Variants in PHACTR2 observed in about 807,000 individuals in gnomAD.
PHACTR2 encodes the protein phosphatase and actin regulator 2.
A neutral mutation model predicts 76.0 loss-of-function variants in PHACTR2; 30 were observed. The ratio of observed to expected loss-of-function variants is 0.39; its 90% CI spans 0.30 to 0.54. The LOEUF is 0.54. PHACTR2 is among the 20% of genes least tolerant of loss of function. The pLI is 0.61. For missense variants in PHACTR2, 696 were observed against 781.1 expected, an observed-to-expected ratio of 0.89 and a Z score of 1.30; for synonymous variants, 292 against 292.5, an observed-to-expected ratio of 1.00 and a Z score of 0.02.
chr6:143,549,978 G>T lies in PHACTR2; in HGVS notation c.217+12771G>T, dbSNP rs1008562521. On this transcript the variant is annotated intron_variant, in intron 1 of 11. Coordinates refer to the PHACTR2 transcript ENST00000367584. This position sits in a 1 kb window ranked among gnomAD's most constrained non-coding sequence, Gnocchi z 4.2. ...ACAAAGGATGAAAACTGAGAGTCCC[G>T]GTCAGCTTACACCAGAAAGTGCCAA... Among the ~76,000 whole-genome samples the T allele has an allele frequency of 6.6e-6, 1 of 151,872 alleles. No homozygotes were observed. The highest frequency in any genetic ancestry group is 1.5e-5 in the Non-Finnish European group (1 of 67,948).
rs1037477798 is a variant in PHACTR2 at position 143,751,381 on chromosome 6, G to T, written c.295+2316G>T. Among the ~76,000 whole-genome samples, 3 of 152,096 alleles carry T rather than the reference G, an allele frequency of 2.0e-5. No homozygotes were observed. Among genetic ancestry groups the T allele is most frequent in the Non-Finnish European group, 4.4e-5 (3 of 68,026 alleles). ...GTCTATGATCTAGTCCAAGTTTGCT[G>T]CTTACCTCTGCTTTTTTCCCTCCAT... is the stretch of plus-strand genomic sequence containing the variant. On this transcript the variant is annotated intron_variant, in intron 3 of 12. Transcript: ENST00000440869. This position sits in a 1 kb window ranked among gnomAD's most constrained non-coding sequence, Gnocchi z 5.7.
At chr6:143,812,092 C>G (rs879489857) in intron 12 of PHACTR2, among the ~76,000 whole-genome samples, 4 of 152,118 alleles carry the variant, frequency 2.6e-5, no homozygotes, top group African/African-American at 4.8e-5. Flanking sequence ...AATAAATGGG[C>G]TGACTCCTCT....
chr6:143,729,425 G>C (rs1390453384), intron 2 of PHACTR2, among the ~76,000 whole-genome samples: 1 of 151,974 alleles, frequency 6.6e-6, no homozygotes, highest in Non-Finnish European at 1.5e-5. Flanking sequence ...AGGTCACAAA[G>C]ATTTTTATCC....
At chr6:143,756,692 C>T (rs1350629917) in intron 4 of PHACTR2, among the ~76,000 whole-genome samples, 1 of 100,674 alleles carries the variant, frequency 9.9e-6, no homozygotes, top group Non-Finnish European at 2.0e-5. Context: ...GAGCGAGACT[C>T]CGTCTCAAAA....
chr6:143,805,074 C>T (rs742958), intron 11 of PHACTR2, among the ~76,000 whole-genome samples: 89,181 of 152,058 alleles, frequency 0.59, 26,429 homozygotes, highest in East Asian at 0.69. Context: ...AGAATCCCTG[C>T]CTTCTGACTC....
rs1324382728 is a variant in PHACTR2, at chr6:143,708,111, A to G, written c.47-3905A>G. 6.6e-6 allele frequency among the ~76,000 whole-genome samples: 1 copy of G among 152,152 alleles called. No individual in the cohort carries two copies. Among genetic ancestry groups the G allele is most frequent in the East Asian group, 1.9e-4 (1 of 5,204 alleles). On this transcript the variant is annotated intron_variant, in intron 1 of 12. Transcript: ENST00000440869. The surrounding 1 kb of genome is among the most constrained non-coding windows in gnomAD (Gnocchi z 5.5). Reference sequence around the variant, plus strand: ...AGATTTGGGTGAGGATACATTTCTAAACCTTATCAATATGATAATTATCTA... The same window carrying G: ...AGATTTGGGTGAGGATACATTTCTAGACCTTATCAATATGATAATTATCTA...
chr6:143,589,519 G>T lies in PHACTR2; in HGVS notation c.217+52312G>T, dbSNP rs868656599. Among the ~76,000 whole-genome samples the T allele has an allele frequency of 5.9e-5, 9 of 152,162 alleles. No homozygotes were observed. Among genetic ancestry groups the T allele is most frequent in the Middle Eastern group, 3.4e-3 (1 of 294 alleles). ...ACCTTTTTTCTTTATTAATTACTCA[G>T]TCTCAGGTAGTTCTTGCAATGCGAG... On this transcript the variant is annotated intron_variant, in intron 1 of 11. Transcript: ENST00000367584. This position sits in a 1 kb window ranked among gnomAD's most constrained non-coding sequence, Gnocchi z 4.4.
In PHACTR2 at chr6:143,548,463, T is replaced by C. The variant is rs1185590117; in HGVS notation, c.217+11256T>C. The stretch of plus-strand genomic sequence containing the variant: ...CCAGACTTCTCTGATGCTGTGAGCA[T>C]ATATTCTCCTCAGATTTCCCCTATT... On this transcript the variant is annotated intron_variant, in intron 1 of 11. Transcript: ENST00000367584. This position sits in a 1 kb window ranked among gnomAD's most constrained non-coding sequence, Gnocchi z 4.5. Among the ~76,000 whole-genome samples, 1 of 152,108 alleles carries C rather than the reference T, an allele frequency of 6.6e-6. No individual in the cohort carries two copies. The highest frequency in any genetic ancestry group is 2.4e-5 in the African/African-American group (1 of 41,452).
rs936076508 is a variant in PHACTR2, at chr6:143,583,160, T to A, written c.217+45953T>A. ...ACCATTCTTGCCATAATAGCCAGGA[T>A]TTGGTATCTGTGAATTCACCATGGC... On this transcript the variant is annotated intron_variant, in intron 1 of 11. Coordinates refer to the PHACTR2 transcript ENST00000367584. This position sits in a 1 kb window ranked among gnomAD's most constrained non-coding sequence, Gnocchi z 4.0. Among the ~76,000 whole-genome samples the A allele has an allele frequency of 1.3e-5, 2 of 152,240 alleles. No homozygotes were observed. Among genetic ancestry groups the A allele is most frequent in the African/African-American group, 4.8e-5 (2 of 41,466 alleles).
chr6:143,555,675 C>G (rs1775163640), intron 1 of PHACTR2, among the ~76,000 whole-genome samples: 2 of 152,080 alleles, frequency 1.3e-5, no homozygotes, highest in South Asian at 4.1e-4. Context: ...TATACCCCCA[C>G]CCTAGATGAT....
At position 143,828,216 on chromosome 6, in the gene PHACTR2, C is replaced by G. The variant is rs988394961; in HGVS notation, c.*4527C>G. The G allele has an allele frequency of 1.3e-5, 2 of 152,030 alleles. No individual in the cohort carries two copies. Among genetic ancestry groups the G allele is most frequent in the Admixed American group, 6.6e-5 (1 of 15,236 alleles). 9.4% of individuals were successfully genotyped at this position (152,030 alleles called of 1,614,324 possible). A position where few individuals can be genotyped will look rare whatever the true frequency, so the allele number is the denominator to read the frequency against. ...TATGTCCTCCAGGGAAAAGCAATGA[C>G]AGAGTAATCACCAAATTAATAGGAA... is the stretch of plus-strand genomic sequence containing the variant. On this transcript the variant is annotated 3_prime_UTR_variant, in exon 13 of 13. Coordinates refer to ENST00000440869, the MANE Select transcript of PHACTR2 (RefSeq NM_001100164.2). The surrounding 1 kb of genome is among the most constrained non-coding windows in gnomAD (Gnocchi z 4.7).
At chr6:143,629,846 T>C (rs1295435815) in intron 1 of PHACTR2, among the ~76,000 whole-genome samples, 1 of 152,112 alleles carries the variant, frequency 6.6e-6, no homozygotes, top group Non-Finnish European at 1.5e-5. Flanking sequence ...CTCAGCTTCG[T>C]TTGGAGTGTT....
At chr6:143,628,172 GTT>G (rs944620972) in intron 1 of PHACTR2, among the ~76,000 whole-genome samples, 5 of 152,104 alleles carry the variant, frequency 3.3e-5, no homozygotes, top group Non-Finnish European at 7.4e-5. Flanking sequence ...GATGTACCAC[GTT>G]TTGTTTCTCT....
At position 143,757,609 on chromosome 6, in the gene PHACTR2, C is replaced by T. The variant is rs1779332921; in HGVS notation, c.455-2792C>T. ...CAGACCGCATTGCTGGAAAGGCTAG[C>T]GTCCTTATCAAGCCAGAATGACGAG... is the stretch of plus-strand genomic sequence containing the variant. On this transcript the variant is annotated intron_variant, in intron 4 of 12. Transcript: ENST00000440869. The surrounding 1 kb of genome is among the most constrained non-coding windows in gnomAD (Gnocchi z 4.2). Among the ~76,000 whole-genome samples, 1 of 152,154 alleles carries T rather than the reference C, an allele frequency of 6.6e-6. No individual in the cohort carries two copies. Among genetic ancestry groups the T allele is most frequent in the African/African-American group, 2.4e-5 (1 of 41,430 alleles).
chr6:143,587,231 A>G (rs1462016805), intron 1 of PHACTR2, among the ~76,000 whole-genome samples: 1 of 152,238 alleles, frequency 6.6e-6, no homozygotes, highest in Admixed American at 6.5e-5. Flanking sequence ...CATCAGAATA[A>G]TCTATTTCGG....
chr6:143,558,904 T>G lies in PHACTR2; in HGVS notation c.217+21697T>G, dbSNP rs902532646. On this transcript the variant is annotated intron_variant, in intron 1 of 11. Coordinates refer to the PHACTR2 transcript ENST00000367584. The surrounding 1 kb of genome is among the most constrained non-coding windows in gnomAD (Gnocchi z 4.7). ...CTGATGATTGACCAGCTGAAATGCA[T>G]GTGTATGGCTTAGGCCTCTCCCATC... Among the ~76,000 whole-genome samples, 2 of 152,182 alleles carry G rather than the reference T, an allele frequency of 1.3e-5. No individual in the cohort carries two copies. Among genetic ancestry groups the G allele is most frequent in the African/African-American group, 4.8e-5 (2 of 41,438 alleles).
chr6:143,755,588 T>C lies in PHACTR2; in HGVS notation c.454+1676T>C, dbSNP rs1779279617. 7 of 303,016 alleles carry C rather than the reference T, an allele frequency of 2.3e-5. No homozygotes were observed. Among genetic ancestry groups the C allele is most frequent in the South Asian group, 1.5e-4 (5 of 34,422 alleles). The allele number at this position is 303,016 out of a possible 1,614,324, so 18.8% of individuals were successfully genotyped here. On this transcript the variant is annotated intron_variant, in intron 4 of 12. Transcript: ENST00000440869. The surrounding 1 kb of genome is among the most constrained non-coding windows in gnomAD (Gnocchi z 5.2). ...GAGAGATGTTTTTCTTTGCTTAGAA[T>C]TAGTACATTCAATTCTTCCTTATCT... is the stretch of plus-strand genomic sequence containing the variant.
At chr6:143,769,950 C>G (rs900616157) in intron 6 of PHACTR2, among the ~76,000 whole-genome samples, 11 of 152,106 alleles carry the variant, frequency 7.2e-5, no homozygotes, top group Non-Finnish European at 1.6e-4. Context: ...TATGGTGGTT[C>G]TTCAAAAAAT....
chr6:143,549,053 C>G lies in PHACTR2; in HGVS notation c.217+11846C>G, dbSNP rs975962097. On this transcript the variant is annotated intron_variant, in intron 1 of 11. Transcript: ENST00000367584. The surrounding 1 kb of genome is among the most constrained non-coding windows in gnomAD (Gnocchi z 4.2). ...TTGGCCATGAAGACAGGCATTCTCTCCCCCCGACCCAGATTGACATGGTGC... is the reference window on the plus strand; with the variant it reads ...TTGGCCATGAAGACAGGCATTCTCTGCCCCCGACCCAGATTGACATGGTGC... Among the ~76,000 whole-genome samples, 1 of 151,810 alleles carries G rather than the reference C, an allele frequency of 6.6e-6. No individual in the cohort carries two copies. The highest frequency in any genetic ancestry group is 6.6e-5 in the Admixed American group (1 of 15,232).
Sources: allele counts gnomAD v4.1 joint callset (sites outside exome capture counted in the v4.1 genomes callset), GRCh38; gene constraint gnomAD v4.1.1; non-coding constraint Gnocchi (gnomAD v3.1); transcripts MANE v1.5; gene names NCBI Gene and HGNC (gene_info 2026-07-23, HGNC 2026-07-21).